PSMC1: variants seen among roughly 807,000 people sequenced by gnomAD.
The protein encoded by PSMC1 is 26S proteasome regulatory subunit 4.
In PSMC1, 5 loss-of-function variants were observed where a neutral mutation model predicts 49.8. The ratio of observed to expected loss-of-function variants is 0.10; its 90% CI spans 0.05 to 0.21. The LOEUF is 0.21. Ranked by LOEUF, PSMC1 falls within the 10% of genes least tolerant of loss-of-function variation. PSMC1 has a pLI of 1.00. For synonymous variants in PSMC1, 155 were observed against 192.1 expected, an observed-to-expected ratio of 0.81 and a Z score of 1.60; for missense variants, 181 against 535.7, an observed-to-expected ratio of 0.34 and a Z score of 6.54.
Position 90,272,359 on chromosome 14 carries a change from T to C in PSMC1, c.1275T>C (p.Asn425=). The C allele has an allele frequency of 6.3e-7, 1 of 1,599,350 alleles. No individual in the cohort carries two copies. The highest frequency in any genetic ancestry group is 8.5e-7 in the Non-Finnish European group (1 of 1,174,472). Residue 425 remains asparagine, a synonymous_variant, in exon 11 of 11, where the codon AAT becomes AAC. Coordinates refer to ENST00000261303, the MANE Select transcript of PSMC1 (RefSeq NM_002802.3). This position sits in a 1 kb window ranked among gnomAD's most constrained non-coding sequence, Gnocchi z 4.5. ...TNEDFKKSKE[N]VLYKKQEGTP... The stretch of plus-strand genomic sequence containing the variant: ...AAGACTTCAAAAAATCTAAAGAAAA[T>C]GTTCTTTATAAGAAACAGGAAGGCA...
In PSMC1 at chr14:90,268,212, C is replaced by A; in HGVS notation, c.692-12C>A. 1 of 1,460,990 alleles carries A rather than the reference C, an allele frequency of 6.8e-7. No individual in the cohort carries two copies. The highest frequency in any genetic ancestry group is 2.5e-5 in the Admixed American group (1 of 40,368). The allele number at this position is 1,460,990 out of a possible 1,614,324, so 90.5% of individuals were successfully genotyped here. On this transcript the variant is annotated splice_polypyrimidine_tract_variant and intron_variant, in intron 7 of 10. Transcript: ENST00000261303. ...GTGTCTTTTTTTTTTTTATCTTTTT[C>A]ATCCAAAATAGGTAAAACCTTGTTA...
At chr14:90,270,099 C>A in intron 9 of PSMC1, 99 bp from the exon 10 acceptor site, 1 of 1,294,814 alleles carries the variant, frequency 7.7e-7, no homozygotes, top group Non-Finnish European at 1.1e-6. Context: ...TTCTGTCCGA[C>A]TGAAACTTCG....
At chr14:90,256,775 G>A (rs1316750917) in intron 1 of PSMC1, among the ~76,000 whole-genome samples, 175 bp downstream of exon 1, 1 of 152,220 alleles carries the variant, frequency 6.6e-6, no homozygotes, top group Non-Finnish European at 1.5e-5. Flanking sequence ...TGTCCACCGC[G>A]GGCCGGGGCC....
chr14:90,259,286 T>G, intron 2 of PSMC1, 73 bp downstream of exon 2: 1 of 1,412,352 alleles, frequency 7.1e-7, no homozygotes, highest in Non-Finnish European at 9.9e-7. Context: ...TGAGAAGTTC[T>G]GTGGGGATTC....
intron 7 of PSMC1, among the ~76,000 whole-genome samples, chr14:90,267,212 C>T (rs919412109): frequency 5.9e-5 from 9 of 151,658 alleles, no homozygotes; most frequent in Non-Finnish European, 4.4e-5. Context: ...TCACTGCAAT[C>T]TCCGCCTCCC....
Position 90,257,182 on chromosome 14 carries a change from A to AAC in PSMC1, c.3+584_3+585dup, listed in dbSNP as rs566023433. Among the ~76,000 whole-genome samples the AAC allele has an allele frequency of 5.0e-4, 74 of 147,848 alleles. No individual in the cohort carries two copies. In the East Asian group the frequency reaches 7.9e-3, roughly 16 times the overall value. On this transcript the variant is annotated intron_variant, in intron 1 of 10. Coordinates refer to ENST00000261303, the MANE Select transcript of PSMC1 (RefSeq NM_002802.3). ...CTAGCATTTATTCATCAATTCACTA[A>AAC]ACAAGTATTTACTGAGCACTTGGTG...
chr14:90,269,363 A>G (rs3742673), intron 8 of PSMC1, 34 bp from the exon 9 acceptor site: 793,594 of 1,564,272 alleles, frequency 0.51, 203,598 homozygotes, highest in East Asian at 0.7. Context: ...CGATCAGTTG[A>G]GTCTTCATTC....
At chr14:90,269,654 CA>C (rs1353711719) in intron 9 of PSMC1, 106 bp downstream of exon 9, 1 of 1,263,278 alleles carries the variant, frequency 7.9e-7, no homozygotes, top group African/African-American at 1.5e-5. Context: ...GCAAATACTG[CA>C]GTGAAACTTA....
chr14:90,272,411 A>G lies in PSMC1; in HGVS notation c.*4A>G. ...CCCTGAGGGGCTGTATCTCTAATGA[A>G]CCATGGCTGTCATCAGGAAAATGGT... is the stretch of plus-strand genomic sequence containing the variant. On this transcript the variant is annotated 3_prime_UTR_variant, in exon 11 of 11. Transcript: ENST00000261303. The surrounding 1 kb of genome is among the most constrained non-coding windows in gnomAD (Gnocchi z 4.5). 1.3e-6 allele frequency: 2 copies of G among 1,538,270 alleles called. No individual in the cohort carries two copies. The highest frequency in any genetic ancestry group is 8.8e-7 in the Non-Finnish European group (1 of 1,137,580).
intron 6 of PSMC1, 49 bp downstream of exon 6, chr14:90,264,218 G>T (rs753666723): frequency 6.2e-7 from 1 of 1,605,990 alleles, no homozygotes; most frequent in Non-Finnish European, 8.5e-7. Flanking sequence ...GGTTTCTGTT[G>T]TCCCATTTAG....
At chr14:90,259,105 C>A in intron 1 of PSMC1, 55 bp from the exon 2 acceptor site, 1 of 1,560,854 alleles carries the variant, frequency 6.4e-7, no homozygotes, top group South Asian at 1.1e-5. Context: ...TAAAGTTATT[C>A]TTTTGAAGTG....
rs1049588693 is a variant in PSMC1, at chr14:90,272,646, C to T, written c.*239C>T. 11 of 380,914 alleles carry T rather than the reference C, an allele frequency of 2.9e-5. No homozygotes were observed. Among genetic ancestry groups the T allele is most frequent in the African/African-American group, 2.1e-4 (10 of 47,030 alleles). 23.6% of individuals were successfully genotyped at this position (380,914 alleles called of 1,614,324 possible). On this transcript the variant is annotated 3_prime_UTR_variant, in exon 11 of 11. Transcript: ENST00000261303. The surrounding 1 kb of genome is among the most constrained non-coding windows in gnomAD (Gnocchi z 4.5). ...AAACACTTCCTGTTTCTGCAGTCTC[C>T]ACACACACCTACCGCTCAACAGCAG...
chr14:90,260,019 ACCACCTGAAAATAGATGATGG>A (rs1891366736), intron 2 of PSMC1, 75 bp from the exon 3 acceptor site: 1 of 699,638 alleles, frequency 1.4e-6, no homozygotes, highest in Admixed American at 3.3e-5. Context: ...GGAAAATTGT[ACCACCTGAAAATAGATGATGG>A]TGGTACAGAA....
rs1171365679 is a variant in PSMC1, at chr14:90,275,387, C to G, written c.*2980C>G. On this transcript the variant is annotated 3_prime_UTR_variant, in exon 11 of 11. Coordinates refer to ENST00000261303, the MANE Select transcript of PSMC1 (RefSeq NM_002802.3). ...AACAAAATTCTTTGTAACGCACTTGCATCTTTTCCTAAGTTTGAGATTAAA... is the reference window on the plus strand; with the variant it reads ...AACAAAATTCTTTGTAACGCACTTGGATCTTTTCCTAAGTTTGAGATTAAA... 1.3e-5 allele frequency: 2 copies of G among 152,126 alleles called. No homozygotes were observed. The highest frequency in any genetic ancestry group is 2.9e-5 in the Non-Finnish European group (2 of 68,030). The allele number at this position is 152,126 out of a possible 1,614,324, so 9.4% of individuals were successfully genotyped here.
At chr14:90,268,529 G>A in intron 8 of PSMC1, 116 bp downstream of exon 8, 2 of 984,512 alleles carry the variant, frequency 2.0e-6, no homozygotes, top group South Asian at 1.5e-5. Context: ...TGCTGTGCGT[G>A]GCCTTCCATG....
Position 90,259,156 on chromosome 14 carries a change from C to G in PSMC1, c.4-4C>G. On this transcript the variant is annotated splice_region_variant and splice_polypyrimidine_tract_variant and intron_variant, in intron 1 of 10. Coordinates refer to ENST00000261303, the MANE Select transcript of PSMC1 (RefSeq NM_002802.3). ...TACATCTGTGCCTGATTTTTCTCCT[C>G]CAGGGTCAAAGTCAGAGTGGTGGTC... 6.2e-7 allele frequency: 1 copy of G among 1,613,202 alleles called. No homozygotes were observed. The highest frequency in any genetic ancestry group is 8.5e-7 in the Non-Finnish European group (1 of 1,179,530).
intron 3 of PSMC1, among the ~76,000 whole-genome samples, chr14:90,261,038 C>G (rs1401919430): frequency 6.6e-6 from 1 of 152,174 alleles, no homozygotes; most frequent in African/African-American, 2.4e-5. Flanking sequence ...TAAAATTTTT[C>G]AATGGCTTCC....
At chr14:90,271,561 T>G (rs187232848) in intron 10 of PSMC1, 1 of 152,340 alleles carries the variant, frequency 6.6e-6, no homozygotes, top group Non-Finnish European at 1.5e-5. Flanking sequence ...CCAGAATACA[T>G]GTTCTTTTAT....
intron 7 of PSMC1, among the ~76,000 whole-genome samples, chr14:90,266,520 G>A (rs936050832): frequency 1.8e-4 from 28 of 152,168 alleles, no homozygotes; most frequent in Admixed American, 2.6e-4. Context: ...CAGAATGGCC[G>A]GTGACTAGCC....
Sources: gnomAD v4.1 joint callset for allele counts (sites outside exome capture counted in the v4.1 genomes callset) on GRCh38, gnomAD v4.1.1 for gene constraint, Gnocchi (gnomAD v3.1) non-coding constraint, MANE v1.5 for transcripts, NCBI Gene and HGNC (gene_info 2026-07-23, HGNC 2026-07-21) for gene names.